Variants in IQCJ observed in about 807,000 individuals in gnomAD.
IQCJ encodes IQ domain-containing protein J.
A neutral mutation model predicts 11.0 loss-of-function variants in IQCJ; 9 were observed. The observed-to-expected ratio is 0.82, with a 90% CI of 0.49 to 1.43. The LOEUF (loss-of-function observed/expected upper bound fraction) is 1.43. Among genes scored for constraint, IQCJ ranks in the 40% most tolerant of loss-of-function variants. The probability of loss-of-function intolerance (pLI) is 0.00; values close to 1 mark genes in which losing one functional copy is unlikely to be tolerated. For missense variants in IQCJ, 146 were observed against 133.2 expected (o/e 1.10, Z -0.47); for synonymous variants, 55 against 51.3 (o/e 1.07, Z -0.31).
intron 1 of IQCJ, among the ~76,000 whole-genome samples, chr3:159,164,017 G>A (rs1020568475): frequency 4.6e-5 from 7 of 152,054 alleles, no homozygotes; most frequent in African/African-American, 1.7e-4. Flanking sequence ...TTAATCTTTA[G>A]GTTAAATATG....
intron 1 of IQCJ, among the ~76,000 whole-genome samples, chr3:159,166,580 T>G (rs1722177608): frequency 6.6e-6 from 1 of 152,206 alleles, no homozygotes; most frequent in South Asian, 2.1e-4. Flanking sequence ...AGTGATTTAA[T>G]ATAAAAGAAC....
intron 1 of IQCJ, among the ~76,000 whole-genome samples, chr3:159,080,462 C>A (rs576533513): frequency 7.2e-5 from 11 of 152,248 alleles, no homozygotes; most frequent in Non-Finnish European, 1.5e-4. Context: ...AGATTGGAAC[C>A]TTTTCAGCAG....
chr3:159,240,191 C>T (rs894417897), intron 1 of IQCJ, among the ~76,000 whole-genome samples: 2 of 152,134 alleles, frequency 1.3e-5, no homozygotes, highest in Non-Finnish European at 2.9e-5. Flanking sequence ...AATAAAATGA[C>T]ATGTTAAATA....
chr3:159,161,035 G>T (rs765795715), intron 1 of IQCJ, among the ~76,000 whole-genome samples: 9 of 152,058 alleles, frequency 5.9e-5, no homozygotes, highest in Non-Finnish European at 1.2e-4. Context: ...ATAGTCCTTT[G>T]GGTATATACC....
At chr3:159,104,061 G>C (rs920443920) in intron 1 of IQCJ, among the ~76,000 whole-genome samples, 1 of 152,184 alleles carries the variant, frequency 6.6e-6, no homozygotes, top group African/African-American at 2.4e-5. Flanking sequence ...GGAGTGGATA[G>C]TTTAGAAATG....
chr3:159,245,663 C>T (rs1186816158), intron 1 of IQCJ, among the ~76,000 whole-genome samples, 180 bp from the exon 2 acceptor site: 3 of 152,008 alleles, frequency 2.0e-5, no homozygotes, highest in African/African-American at 2.4e-5. Context: ...AGGGTTTCAC[C>T]GTGTTAGCCA....
chr3:159,238,614 T>C (rs1449023), intron 1 of IQCJ, among the ~76,000 whole-genome samples: 150,433 of 152,290 alleles, frequency 0.99, 74,309 homozygotes, highest in Middle Eastern at 1. Context: ...AGAGTAAATA[T>C]TAAAAATAAG....
At chr3:159,133,866 CATT>C (rs1720136938) in intron 1 of IQCJ, among the ~76,000 whole-genome samples, 1 of 151,802 alleles carries the variant, frequency 6.6e-6, no homozygotes, top group Admixed American at 6.6e-5. Context: ...TTTACTATCT[CATT>C]ATTTTTGCGA....
At chr3:159,236,892 T>C (rs1005920173) in intron 1 of IQCJ, among the ~76,000 whole-genome samples, 2 of 152,214 alleles carry the variant, frequency 1.3e-5, no homozygotes, top group African/African-American at 2.4e-5. Flanking sequence ...CCTGGTAATA[T>C]ATAATGAAAT....
intron 1 of IQCJ, among the ~76,000 whole-genome samples, chr3:159,083,734 A>G (rs555605906): frequency 6.6e-6 from 1 of 152,304 alleles, no homozygotes; most frequent in South Asian, 2.1e-4. Flanking sequence ...GTGACTGGTT[A>G]GTCAAACTGT....
chr3:159,180,955 C>T (rs774980141), intron 1 of IQCJ, among the ~76,000 whole-genome samples: 13 of 152,146 alleles, frequency 8.5e-5, no homozygotes, highest in Non-Finnish European at 1.8e-4. Flanking sequence ...CATTTTATCA[C>T]ATCAATAAAA....
intron 1 of IQCJ, among the ~76,000 whole-genome samples, chr3:159,180,122 T>C (rs73877523): frequency 0.048 from 7,316 of 152,252 alleles, 576 homozygotes; most frequent in African/African-American, 0.17. Context: ...AAGGTAGTAT[T>C]CCTGTAATAG....
At chr3:159,219,083 C>T (rs545759649) in intron 1 of IQCJ, among the ~76,000 whole-genome samples, 1 of 152,210 alleles carries the variant, frequency 6.6e-6, no homozygotes, top group South Asian at 2.1e-4. Context: ...CTCACGATCT[C>T]AAAATCCTTG....
At chr3:159,158,374 A>C (rs561937226) in intron 1 of IQCJ, among the ~76,000 whole-genome samples, 1 of 152,310 alleles carries the variant, frequency 6.6e-6, no homozygotes, top group African/African-American at 2.4e-5. Context: ...CTTCTGATGA[A>C]GAACAATTAC....
intron 1 of IQCJ, among the ~76,000 whole-genome samples, chr3:159,092,406 A>G (rs892481442): frequency 2.6e-5 from 4 of 151,768 alleles, no homozygotes; most frequent in Admixed American, 6.6e-5. Context: ...AAAGACCATA[A>G]AAGACATTTT....
At chr3:159,119,953 T>G (rs749525451) in intron 1 of IQCJ, among the ~76,000 whole-genome samples, 6 of 152,178 alleles carry the variant, frequency 3.9e-5, no homozygotes, top group Non-Finnish European at 5.9e-5. Flanking sequence ...AAAACCCTAC[T>G]CTAGTATGAG....
At chr3:159,234,992 G>T (rs922232665) in intron 1 of IQCJ, among the ~76,000 whole-genome samples, 1 of 152,150 alleles carries the variant, frequency 6.6e-6, no homozygotes, top group African/African-American at 2.4e-5. Flanking sequence ...CTGATTGCCT[G>T]CACTTTTTTT....
intron 1 of IQCJ, among the ~76,000 whole-genome samples, chr3:159,156,207 T>A (rs1266120315): frequency 2.6e-5 from 4 of 152,164 alleles, no homozygotes; most frequent in African/African-American, 9.7e-5. Flanking sequence ...ACAAGAGAAA[T>A]CTAAGACAAA....
chr3:159,184,674 T>C (rs1348337834), intron 1 of IQCJ, among the ~76,000 whole-genome samples: 9 of 152,210 alleles, frequency 5.9e-5, no homozygotes, highest in Non-Finnish European at 1.2e-4. Context: ...TTACATTCCA[T>C]GGTTCTTGAG....
Sources: gnomAD v4.1 joint callset for allele counts (sites outside exome capture counted in the v4.1 genomes callset) on GRCh38, gnomAD v4.1.1 for gene constraint, MANE v1.5 for transcripts, NCBI Gene and HGNC (gene_info 2026-07-23, HGNC 2026-07-21) for gene names.